MFSD6: variants seen among roughly 807,000 people sequenced by gnomAD.
MFSD6 encodes the protein major facilitator superfamily domain containing 6.
In MFSD6, 26 loss-of-function variants were observed where a neutral mutation model predicts 56.3. The ratio of observed to expected loss-of-function variants is 0.46; its 90% CI spans 0.34 to 0.64. The LOEUF (loss-of-function observed/expected upper bound fraction) is 0.64. Ranked by LOEUF, MFSD6 falls within the 30% of genes least tolerant of loss-of-function variation. The pLI is 0.01. For synonymous variants in MFSD6, 331 were observed against 366.9 expected, an observed-to-expected ratio of 0.90 and a Z score of 1.12; for missense variants, 750 against 986.2, an observed-to-expected ratio of 0.76 and a Z score of 3.21.
Position 190,471,545 on chromosome 2 carries a change from G to A in MFSD6, c.1630+1690G>A, listed in dbSNP as rs1464666500. 2.0e-5 allele frequency among the ~76,000 whole-genome samples: 3 copies of A among 152,198 alleles called. No homozygotes were observed. In the East Asian group the frequency reaches 5.8e-4, roughly 29 times the overall value. On this transcript the variant is annotated intron_variant, in intron 4 of 7. Coordinates refer to ENST00000392328, the MANE Select transcript of MFSD6 (RefSeq NM_017694.4). This position sits in a 1 kb window ranked among gnomAD's most constrained non-coding sequence, Gnocchi z 4.7. ...CAAGGCGGCAGTGAGGCTGGGGGAG[G>A]GGCACCCGCCATTGCTGAGGCTTGA...
At position 190,412,296 on chromosome 2, in the gene MFSD6, A is replaced by G; in HGVS notation, c.-175-2996A>G. On this transcript the variant is annotated intron_variant, in intron 1 of 7. Coordinates refer to ENST00000392328, the MANE Select transcript of MFSD6 (RefSeq NM_017694.4). The surrounding 1 kb of genome is among the most constrained non-coding windows in gnomAD (Gnocchi z 4.1). The stretch of plus-strand genomic sequence containing the variant: ...TTGTGGTAGTAGGTAATCTTGAGAA[A>G]GAGGGAATTGTAAAAGTATTTTACA... 1.0e-6 allele frequency: 1 copy of G among 983,726 alleles called. No individual in the cohort carries two copies. The highest frequency in any genetic ancestry group is 1.2e-6 in the Non-Finnish European group (1 of 828,388). The allele number at this position is 983,726 out of a possible 1,614,324, so 60.9% of individuals were successfully genotyped here.
Position 190,501,647 on chromosome 2 carries a change from T to C in MFSD6, c.*1429T>C, listed in dbSNP as rs994859030. On this transcript the variant is annotated 3_prime_UTR_variant, in exon 8 of 8. Coordinates refer to ENST00000392328, the MANE Select transcript of MFSD6 (RefSeq NM_017694.4). ...TGATTAGACAGGATCAATTGTAAAG[T>C]GAGGGCTTCTCCATGACACCATAGT... 2 of 152,558 alleles carry C rather than the reference T, an allele frequency of 1.3e-5. No individual in the cohort carries two copies. Among genetic ancestry groups the C allele is most frequent in the African/African-American group, 2.4e-5 (1 of 41,442 alleles). 9.5% of individuals were successfully genotyped at this position (152,558 alleles called of 1,614,324 possible).
At chr2:190,480,739 C>A (rs1377737321) in intron 4 of MFSD6, among the ~76,000 whole-genome samples, 1 of 152,174 alleles carries the variant, frequency 6.6e-6, no homozygotes, top group Non-Finnish European at 1.5e-5. Flanking sequence ...TCTCTCTAAG[C>A]CACAGACTCT....
chr2:190,441,737 T>TAGAG (rs772012188), intron 3 of MFSD6, among the ~76,000 whole-genome samples: 2 of 152,114 alleles, frequency 1.3e-5, no homozygotes, highest in Non-Finnish European at 2.9e-5. Flanking sequence ...TCCTCAGCTC[T>TAGAG]AGAGACCTCT....
In MFSD6 at chr2:190,437,261, T is replaced by G. The variant is rs770292794; in HGVS notation, c.1232T>G (p.Val411Gly). The G allele has an allele frequency of 6.2e-7, 1 of 1,614,104 alleles. No homozygotes were observed. The highest frequency in any genetic ancestry group is 8.5e-7 in the Non-Finnish European group (1 of 1,179,994). Residue 411 changes from valine (V) to glycine (G), a missense_variant, in exon 3 of 8, where the codon GTG becomes GGG. By Grantham distance (109) the Val-to-Gly change is moderately radical (BLOSUM62 -3). Coordinates refer to ENST00000392328, the MANE Select transcript of MFSD6 (RefSeq NM_017694.4). This position sits in a 1 kb window ranked among gnomAD's most constrained non-coding sequence, Gnocchi z 5.9. Reference sequence around the variant, plus strand: ...GGGAAAGAGGTGGAGATCCCGCAGGTGGAAAGGAACAACTCTACAGAGTCC... The same window carrying G: ...GGGAAAGAGGTGGAGATCCCGCAGGGGGAAAGGAACAACTCTACAGAGTCC... Reference protein sequence around the residue: ...SKGKEVEIPQVERNNSTESSE... With the variant: ...SKGKEVEIPQGERNNSTESSE...
intron 3 of MFSD6, among the ~76,000 whole-genome samples, chr2:190,455,820 A>G (rs566555912): frequency 6.6e-6 from 1 of 151,642 alleles, no homozygotes; most frequent in Non-Finnish European, 1.5e-5. Flanking sequence ...GGAAAAAACT[A>G]TATCAGTTAC....
rs1437467446 is a variant in MFSD6, at chr2:190,418,239, A to G, written c.-54+2826A>G. Among the ~76,000 whole-genome samples, 1 of 152,202 alleles carries G rather than the reference A, an allele frequency of 6.6e-6. No homozygotes were observed. The highest frequency in any genetic ancestry group is 1.5e-5 in the Non-Finnish European group (1 of 68,028). On this transcript the variant is annotated intron_variant, in intron 2 of 7. Transcript: ENST00000392328. The surrounding 1 kb of genome is among the most constrained non-coding windows in gnomAD (Gnocchi z 4.1). ...CTGGGAAAGGAATCATTTCCACCCC[A>G]GAGAACTGTTGTGAGTATTAAATGA...
intron 1 of MFSD6, chr2:190,411,373 T>G (rs909064136): frequency 1.7e-6 from 1 of 578,486 alleles, no homozygotes; most frequent in African/African-American, 2.0e-5. Context: ...TTGGCCAGGA[T>G]GGTCTCCATC....
chr2:190,448,705 C>A (rs1686671066), intron 3 of MFSD6, among the ~76,000 whole-genome samples: 1 of 152,178 alleles, frequency 6.6e-6, no homozygotes, highest in African/African-American at 2.4e-5. Context: ...GTTGCCCTAG[C>A]TTTCTGGACA....
rs765424100 is a variant in MFSD6 at position 190,469,776 on chromosome 2, G to A, written c.1551G>A (p.Leu517=). The A allele has an allele frequency of 1.9e-6, 3 of 1,590,124 alleles. No homozygotes were observed. The highest frequency in any genetic ancestry group is 1.7e-6 in the Non-Finnish European group (2 of 1,167,844). The stretch of plus-strand genomic sequence containing the variant: ...TTTTTAGGGTTCTGTACATTGGCCT[G>A]GCCTGCAATACGGCTCGCTATATTT... ...IGHIRVLYIG[L]ACNTARYIYI... Residue 517 remains leucine (L), a synonymous_variant, in exon 4 of 8, where the codon CTG becomes CTA. Coordinates refer to ENST00000392328, the MANE Select transcript of MFSD6 (RefSeq NM_017694.4). The surrounding 1 kb of genome is among the most constrained non-coding windows in gnomAD (Gnocchi z 5.3).
At chr2:190,493,599 C>A (rs942561591) in intron 6 of MFSD6, among the ~76,000 whole-genome samples, 1 of 152,160 alleles carries the variant, frequency 6.6e-6, no homozygotes, top group East Asian at 1.9e-4. Flanking sequence ...GGAACTTTCT[C>A]CAAGATAGAC....
Position 190,415,709 on chromosome 2 carries a change from G to T in MFSD6, c.-54+296G>T, listed in dbSNP as rs10182630. Among the ~76,000 whole-genome samples the T allele has an allele frequency of 1, 151,758 of 152,358 alleles. 75,584 individuals carry two copies. The highest frequency in any genetic ancestry group is 1 in the Non-Finnish European group (68,036 of 68,036). On this transcript the variant is annotated intron_variant, in intron 2 of 7. Coordinates refer to ENST00000392328, the MANE Select transcript of MFSD6 (RefSeq NM_017694.4). The surrounding 1 kb of genome is among the most constrained non-coding windows in gnomAD (Gnocchi z 4.5). ...CAATTTTAGATTACATATATGGGAAGGTACTAAGGATATAAATTATTCTTT... is the reference window on the plus strand; with the variant it reads ...CAATTTTAGATTACATATATGGGAATGTACTAAGGATATAAATTATTCTTT...
intron 2 of MFSD6, among the ~76,000 whole-genome samples, chr2:190,428,717 A>G (rs1168553282): frequency 6.6e-6 from 1 of 151,972 alleles, no homozygotes; most frequent in Non-Finnish European, 1.5e-5. Flanking sequence ...TCTTTCACCC[A>G]TGCTGGAGGG....
chr2:190,428,026 C>T (rs1171125273), intron 2 of MFSD6, among the ~76,000 whole-genome samples: 1 of 152,216 alleles, frequency 6.6e-6, no homozygotes, highest in Non-Finnish European at 1.5e-5. Flanking sequence ...GCCACTGTGC[C>T]CTGCCATGTC....
chr2:190,475,251 A>G (rs1382258169), intron 4 of MFSD6, among the ~76,000 whole-genome samples: 1 of 152,200 alleles, frequency 6.6e-6, no homozygotes, highest in Non-Finnish European at 1.5e-5. Context: ...AGGGTATTCA[A>G]TTAGGAAAAG....
At chr2:190,452,659 T>C (rs1341055121) in intron 3 of MFSD6, among the ~76,000 whole-genome samples, 1 of 152,222 alleles carries the variant, frequency 6.6e-6, no homozygotes, top group Non-Finnish European at 1.5e-5. Context: ...TCTTCCTCAT[T>C]TCTGCTTTGA....
At chr2:190,449,318 A>T (rs1173154659) in intron 3 of MFSD6, among the ~76,000 whole-genome samples, 4 of 152,128 alleles carry the variant, frequency 2.6e-5, no homozygotes, top group African/African-American at 4.8e-5. Flanking sequence ...TACTAAAAAT[A>T]CAAAAATTAG....
In MFSD6 at chr2:190,443,336, T is replaced by C. The variant is rs1686452999; in HGVS notation, c.1532+5775T>C. 6.6e-6 allele frequency among the ~76,000 whole-genome samples: 1 copy of C among 152,218 alleles called. No homozygotes were observed. The highest frequency in any genetic ancestry group is 2.4e-5 in the African/African-American group (1 of 41,456). ...GCATCTCTGTATTGTTATCTATAAA[T>C]AGGGATATTATTAGTACCTGCTTCT... On this transcript the variant is annotated intron_variant, in intron 3 of 7. Coordinates refer to ENST00000392328, the MANE Select transcript of MFSD6 (RefSeq NM_017694.4). The surrounding 1 kb of genome is among the most constrained non-coding windows in gnomAD (Gnocchi z 4.2).
At chr2:190,479,013 TA>T (rs1688509331) in intron 4 of MFSD6, among the ~76,000 whole-genome samples, 1 of 152,184 alleles carries the variant, frequency 6.6e-6, no homozygotes, top group Non-Finnish European at 1.5e-5. Context: ...GGGTTGCATG[TA>T]ACTGCTGGTG....
Sources: allele counts gnomAD v4.1 joint callset (sites outside exome capture counted in the v4.1 genomes callset), GRCh38; gene constraint gnomAD v4.1.1; non-coding constraint Gnocchi (gnomAD v3.1); transcripts MANE v1.5; gene names NCBI Gene and HGNC (gene_info 2026-07-23, HGNC 2026-07-21).